The following CAST variants were observed in gnomAD, a reference collection of about 807,000 sequenced individuals.
The protein encoded by CAST is MIR583 host.
Under a neutral mutation model 119.6 loss-of-function variants are expected in CAST, and 76 were observed. The observed-to-expected ratio is 0.64, with a 90% CI of 0.53 to 0.77. The LOEUF (loss-of-function observed/expected upper bound fraction) is 0.77, where lower values mean the gene tolerates loss of function less well. CAST is among the 30% of genes least tolerant of loss of function. The probability of loss-of-function intolerance (pLI) is 0.00; values close to 1 mark genes in which losing one functional copy is unlikely to be tolerated. For synonymous variants in CAST, 319 were observed against 331.6 expected, an observed-to-expected ratio of 0.96 and a Z score of 0.41; for missense variants, 953 against 946.5, an observed-to-expected ratio of 1.01 and a Z score of -0.09.
the CAST span, among the ~76,000 whole-genome samples, chr5:96,080,087 C>G: frequency 2.6e-5 from 4 of 152,094 alleles, no homozygotes; most frequent in African/African-American, 9.7e-5. Context: ...GGTTTGACTG[C>G]CTGCTACTGG....
At chr5:96,652,668 T>C (rs936123899) in intron 1 of CAST, among the ~76,000 whole-genome samples, 2 of 152,346 alleles carry the variant, frequency 1.3e-5, no homozygotes, top group South Asian at 2.1e-4. Flanking sequence ...TGCCATATGT[T>C]CATTTTAAGA....
chr5:96,563,886 T>C (rs1746426455), intron 1 of CAST, among the ~76,000 whole-genome samples: 1 of 152,222 alleles, frequency 6.6e-6, no homozygotes, highest in South Asian at 2.1e-4. Context: ...CGCAAGTGTT[T>C]CCTTGCCTTT....
chr5:96,089,581 GTAC>G, the CAST span, among the ~76,000 whole-genome samples: 1 of 152,168 alleles, frequency 6.6e-6, no homozygotes, highest in Non-Finnish European at 1.5e-5. Flanking sequence ...TTTCTATGAT[GTAC>G]TAGTTAACAA....
At chr5:96,270,378 G>C in the CAST span, among the ~76,000 whole-genome samples, 2 of 152,042 alleles carry the variant, frequency 1.3e-5, no homozygotes. Context: ...CATAATACTG[G>C]AAGTCCTGGC....
At chr5:96,011,736 G>A in the CAST span, among the ~76,000 whole-genome samples, 1 of 152,204 alleles carries the variant, frequency 6.6e-6, no homozygotes, top group African/African-American at 2.4e-5. Flanking sequence ...GAATTAAGTA[G>A]GATTGCATAA....
the CAST span, among the ~76,000 whole-genome samples, chr5:96,381,726 G>C: frequency 4.6e-5 from 7 of 152,174 alleles, no homozygotes; most frequent in Admixed American, 3.3e-4. Context: ...GCTTTGCCTT[G>C]TCACACACAT....
chr5:96,652,864 G>A (rs1207603500), intron 1 of CAST, among the ~76,000 whole-genome samples: 1 of 152,226 alleles, frequency 6.6e-6, no homozygotes, highest in African/African-American at 2.4e-5. Flanking sequence ...GGCACAGACT[G>A]CACGGGAACC....
intron 1 of CAST, among the ~76,000 whole-genome samples, chr5:96,628,555 A>G (rs1237052558): frequency 2.0e-5 from 3 of 152,232 alleles, no homozygotes; most frequent in East Asian, 1.9e-4. Context: ...AGTTAAAAGT[A>G]TCTGGGCTTA....
the CAST span, among the ~76,000 whole-genome samples, chr5:96,265,151 G>C: frequency 2.8e-4 from 43 of 152,224 alleles, no homozygotes; most frequent in African/African-American, 9.1e-4. Context: ...AGTACCATAT[G>C]AGAGTTCTGC....
At chr5:96,285,201 A>G in the CAST span, among the ~76,000 whole-genome samples, 1 of 152,206 alleles carries the variant, frequency 6.6e-6, no homozygotes, top group Non-Finnish European at 1.5e-5. Flanking sequence ...TGGGGATATA[A>G]CAACACAGAC....
At chr5:96,242,464 C>A in the CAST span, among the ~76,000 whole-genome samples, 1 of 152,156 alleles carries the variant, frequency 6.6e-6, no homozygotes, top group East Asian at 1.9e-4. Context: ...TGATCACCCT[C>A]AGCAAATGGA....
At chr5:96,410,597 C>T in the CAST span, among the ~76,000 whole-genome samples, 341 of 152,128 alleles carry the variant, frequency 2.2e-3, 4 homozygotes, top group South Asian at 0.034. Context: ...GTCATTATCC[C>T]TGGAGAGAAA....
the CAST span, among the ~76,000 whole-genome samples, chr5:96,302,369 C>G: frequency 6.6e-6 from 1 of 152,124 alleles, no homozygotes; most frequent in Non-Finnish European, 1.5e-5. Context: ...GAGGTATTTT[C>G]CCCATTGCAA....
chr5:96,353,912 C>T, the CAST span, among the ~76,000 whole-genome samples: 2 of 152,196 alleles, frequency 1.3e-5, no homozygotes, highest in Non-Finnish European at 2.9e-5. Flanking sequence ...ATCTATATCT[C>T]CTGTTGCTTC....
At chr5:96,760,496 G>A (rs1767548388) in intron 24 of CAST, among the ~76,000 whole-genome samples, 1 of 151,778 alleles carries the variant, frequency 6.6e-6, no homozygotes, top group African/African-American at 2.4e-5. Flanking sequence ...CAGAAACTAT[G>A]AAAAGTTTAT....
the CAST span, among the ~76,000 whole-genome samples, chr5:96,429,513 G>T: frequency 6.6e-6 from 1 of 152,074 alleles, no homozygotes; most frequent in Non-Finnish European, 1.5e-5. Context: ...AGGTAAACTT[G>T]TGTCACGGGG....
At chr5:96,032,004 A>G in the CAST span, among the ~76,000 whole-genome samples, 4 of 152,110 alleles carry the variant, frequency 2.6e-5, no homozygotes, top group African/African-American at 4.8e-5. Flanking sequence ...TTATTTTACC[A>G]TGTGGGCCTT....
the CAST span, among the ~76,000 whole-genome samples, chr5:96,376,059 A>AT: frequency 3.6e-3 from 540 of 149,348 alleles, 3 homozygotes; most frequent in African/African-American, 0.013. Context: ...ATCTTTACTC[A>AT]TTTTTTTTTC....
rs1027309325 is a variant in CAST, at chr5:96,731,723, A to G, written c.630+863A>G. 2.9e-4 allele frequency among the ~76,000 whole-genome samples: 42 copies of G among 146,216 alleles called. 1 individual carries two copies. In the South Asian group the frequency reaches 3.4e-3, roughly 12 times the overall value. On this transcript the variant is annotated intron_variant, in intron 9 of 31. Transcript: ENST00000675179. ...TGTGTCCATGTGATCTCATTGTTCA[A>G]TTCCCACGTATGAGTGAGAATATGC...
Sources: allele counts gnomAD v4.1 joint callset (sites outside exome capture counted in the v4.1 genomes callset), GRCh38; gene constraint gnomAD v4.1.1; transcripts MANE v1.5; gene names NCBI Gene and HGNC (gene_info 2026-07-23, HGNC 2026-07-21).